The following SYT16 variants were observed in gnomAD, a reference collection of about 807,000 sequenced individuals.
SYT16 encodes the protein synaptotagmin 16.
A neutral mutation model predicts 61.4 loss-of-function variants in SYT16; 42 were observed. The observed-to-expected ratio is 0.68, with a 90% CI of 0.53 to 0.89. SYT16 has a LOEUF of 0.89. Among genes scored for constraint, SYT16 ranks in the 40% least tolerant of loss-of-function variants. The pLI is 0.00. For synonymous variants in SYT16, 314 were observed against 302.3 expected, an observed-to-expected ratio of 1.04 and a Z score of -0.40; for missense variants, 804 against 807.3, an observed-to-expected ratio of 1.00 and a Z score of 0.05.
At chr14:61,972,138 C>T (rs923114721) in intron 2 of SYT16, among the ~76,000 whole-genome samples, 3 of 152,156 alleles carry the variant, frequency 2.0e-5, no homozygotes, top group African/African-American at 7.2e-5. Flanking sequence ...GTAGAGACAC[C>T]AGCATGGTGC....
rs754911743 is a variant in SYT16 at position 61,891,238 on chromosome 14, A to ACG, written c.-325+78432_-325+78433dup. 6.8e-3 allele frequency among the ~76,000 whole-genome samples: 708 copies of ACG among 103,456 alleles called. 2 individuals carry two copies. Among genetic ancestry groups the ACG allele is most frequent in the Middle Eastern group, 0.014 (3 of 214 alleles). The allele number at this position is 103,456 out of a possible 152,430, so 67.9% of individuals were successfully genotyped here. A position where few individuals can be genotyped will look rare whatever the true frequency, so the allele number is the denominator to read the frequency against. On this transcript the variant is annotated intron_variant, in intron 1 of 7. Coordinates refer to ENST00000683842, the MANE Select transcript of SYT16 (RefSeq NM_001367656.1). ...GACATGTGTGCACGTGCATACACACACGCGCACACACACACACACACACAC... is the reference window on the plus strand; with the variant it reads ...GACATGTGTGCACGTGCATACACACACGCGCGCACACACACACACACACACAC...
intron 1 of SYT16, among the ~76,000 whole-genome samples, chr14:61,890,498 CAAA>C (rs34468900): frequency 4.3e-5 from 5 of 116,100 alleles, no homozygotes; most frequent in East Asian, 2.2e-4. Flanking sequence ...TCCTTCATGA[CAAA>C]AAAAAAAAAA....
chr14:62,044,636 C>CT (rs1451552599), intron 3 of SYT16, among the ~76,000 whole-genome samples: 1 of 152,120 alleles, frequency 6.6e-6, no homozygotes, highest in African/African-American at 2.4e-5. Flanking sequence ...TGAACTCATT[C>CT]TTTTTTATGG....
intron 1 of SYT16, among the ~76,000 whole-genome samples, chr14:61,839,787 C>T (rs1594736248): frequency 1.3e-5 from 2 of 151,988 alleles, no homozygotes; most frequent in Non-Finnish European, 1.5e-5. Flanking sequence ...TATTCCCATG[C>T]GCTTACTTAG....
chr14:61,906,735 A>G (rs201427537), intron 1 of SYT16, among the ~76,000 whole-genome samples: 1 of 99,266 alleles, frequency 1.0e-5, no homozygotes, highest in Admixed American at 1.1e-4. Context: ...CCATCCATCC[A>G]TCCATCCATC....
At chr14:62,090,374 A>G (rs1011505079) in intron 7 of SYT16, among the ~76,000 whole-genome samples, 9 of 152,250 alleles carry the variant, frequency 5.9e-5, no homozygotes, top group Non-Finnish European at 8.8e-5. Context: ...TCACAATAGC[A>G]GAGACTAAAG....
chr14:61,962,488 T>C (rs1427849602), intron 1 of SYT16, among the ~76,000 whole-genome samples: 6 of 152,172 alleles, frequency 3.9e-5, no homozygotes, highest in Non-Finnish European at 8.8e-5. Flanking sequence ...TGTCTCGGTA[T>C]AGATCTTTTT....
chr14:62,091,779 T>G (rs2057083286), intron 7 of SYT16, among the ~76,000 whole-genome samples: 1 of 152,178 alleles, frequency 6.6e-6, no homozygotes. Context: ...GCAAAAACTT[T>G]ATGACCTTGG....
At chr14:62,070,143 C>T (rs966119688) in intron 4 of SYT16, among the ~76,000 whole-genome samples, 8 of 152,088 alleles carry the variant, frequency 5.3e-5, no homozygotes, top group East Asian at 1.9e-4. Flanking sequence ...TTGATAGATA[C>T]GAAAATGTCA....
intron 3 of SYT16, among the ~76,000 whole-genome samples, chr14:62,051,485 C>T (rs973953788): frequency 6.6e-6 from 1 of 152,188 alleles, no homozygotes; most frequent in African/African-American, 2.4e-5. Context: ...GTCCTGCACC[C>T]ACTGTCTGGC....
intron 4 of SYT16, among the ~76,000 whole-genome samples, chr14:62,074,560 T>C (rs2056414573): frequency 6.6e-6 from 1 of 152,136 alleles, no homozygotes; most frequent in South Asian, 2.1e-4. Flanking sequence ...TCTGATGGCT[T>C]TTATCATTTT....
At chr14:61,891,141 C>A (rs572826413) in intron 1 of SYT16, among the ~76,000 whole-genome samples, 1 of 151,930 alleles carries the variant, frequency 6.6e-6, no homozygotes, top group African/African-American at 2.4e-5. Context: ...CTAGAGAAAG[C>A]CAGAGTGTTT....
chr14:62,002,644 C>T (rs2053066960), intron 3 of SYT16, among the ~76,000 whole-genome samples: 3 of 152,084 alleles, frequency 2.0e-5, no homozygotes, highest in Admixed American at 6.6e-5. Flanking sequence ...CTGCAGTGGT[C>T]TGACCCCAGG....
intron 3 of SYT16, among the ~76,000 whole-genome samples, chr14:61,998,270 A>G (rs1172666114): frequency 1.3e-5 from 2 of 151,978 alleles, no homozygotes; most frequent in African/African-American, 4.8e-5. Context: ...TGACAAATAG[A>G]CACAGTCTTG....
intron 3 of SYT16, among the ~76,000 whole-genome samples, chr14:62,056,116 G>A (rs1368900334): frequency 2.0e-5 from 3 of 150,682 alleles, no homozygotes; most frequent in Middle Eastern, 3.2e-3. Flanking sequence ...TTCCAATCTC[G>A]AAATGATTAT....
chr14:61,863,857 C>A (rs1222416139), intron 1 of SYT16, among the ~76,000 whole-genome samples: 1 of 152,156 alleles, frequency 6.6e-6, no homozygotes, highest in South Asian at 2.1e-4. Context: ...CAGCACCAGT[C>A]GTGGAAAAGA....
At chr14:61,900,372 G>T (rs527254357) in intron 1 of SYT16, among the ~76,000 whole-genome samples, 1 of 152,194 alleles carries the variant, frequency 6.6e-6, no homozygotes, top group South Asian at 2.1e-4. Flanking sequence ...TGGCCAGGCT[G>T]GTCTCGAACT....
intron 1 of SYT16, among the ~76,000 whole-genome samples, chr14:61,880,765 C>T (rs1049017900): frequency 3.3e-5 from 5 of 151,680 alleles, no homozygotes; most frequent in South Asian, 2.1e-4. Flanking sequence ...TGTTGTGGTA[C>T]TGTTGACTTG....
rs761008426 is a variant in SYT16, at chr14:62,100,465, C to T, written c.1696C>T (p.Arg566Cys). 2.5e-6 allele frequency: 4 copies of T among 1,613,368 alleles called. No homozygotes were observed. Among genetic ancestry groups the T allele is most frequent in the South Asian group, 1.1e-5 (1 of 90,962 alleles). ...EMSRCKTSIR[R>C]GQPNPVYKET... ...GTCCCGTTGCAAGACGTCCATTCGG[C>T]GTGGTCAGCCCAATCCTGTCTATAA... The change falls in exon 8 of 8, where the codon CGT becomes TGT. Residue 566 changes from arginine to cysteine, a missense_variant. Arg to Cys is a radical substitution (Grantham distance 180). Coordinates refer to ENST00000683842, the MANE Select transcript of SYT16 (RefSeq NM_001367656.1).
Sources: allele counts gnomAD v4.1 joint callset (sites outside exome capture counted in the v4.1 genomes callset), GRCh38; gene constraint gnomAD v4.1.1; transcripts MANE v1.5; gene names NCBI Gene and HGNC (gene_info 2026-07-23, HGNC 2026-07-21).